Variants in CDK14 observed in about 807,000 individuals in gnomAD.
The protein encoded by CDK14 is cyclin dependent kinase 14.
CDK14 carries 34 observed loss-of-function variants against 60.7 expected under a neutral mutation model. That is an observed-to-expected ratio of 0.56 (90% CI 0.43 to 0.75). The LOEUF is 0.75. Ranked by LOEUF, CDK14 falls within the 30% of genes least tolerant of loss-of-function variation. The pLI is 0.00. For synonymous variants in CDK14, 197 were observed against 203.7 expected, an observed-to-expected ratio of 0.97 and a Z score of 0.28; for missense variants, 482 against 564.1, an observed-to-expected ratio of 0.85 and a Z score of 1.47.
At chr7:90,839,095 G>C (rs1002440243) in intron 5 of CDK14, among the ~76,000 whole-genome samples, 1 of 152,148 alleles carries the variant, frequency 6.6e-6, no homozygotes, top group East Asian at 1.9e-4. Context: ...TTCTCAGACC[G>C]GCTGACACTT....
chr7:90,699,277 G>T (rs1233369837), intron 2 of CDK14, among the ~76,000 whole-genome samples: 2 of 152,214 alleles, frequency 1.3e-5, no homozygotes, highest in African/African-American at 4.8e-5. Flanking sequence ...TCCTGCAGAA[G>T]TACAGGACCC....
chr7:91,175,332 C>T (rs543734565), intron 14 of CDK14, among the ~76,000 whole-genome samples: 255 of 152,034 alleles, frequency 1.7e-3, no homozygotes, highest in African/African-American at 4.9e-3. Flanking sequence ...AAGGAACAAC[C>T]GGTATCAGCT....
chr7:91,158,060 TATTATATTATATACATTA>T lies in CDK14; in HGVS notation c.*28+39860_*28+39877del, dbSNP rs1005767506. Among the ~76,000 whole-genome samples the T allele has an allele frequency of 4.0e-3, 590 of 146,470 alleles. 2 individuals are homozygous for T. Among genetic ancestry groups the T allele is most frequent in the Non-Finnish European group, 7.2e-3 (485 of 67,048 alleles). On this transcript the variant is annotated intron_variant, in intron 14 of 14. Transcript: ENST00000380050. ...TTTGCCAAACATTTTTTATATAATA[TATTATATTATATACATTA>T]ATTATATACATTAAATATATATAAA...
chr7:90,796,450 A>G (rs1229891173), intron 5 of CDK14, among the ~76,000 whole-genome samples: 1 of 152,162 alleles, frequency 6.6e-6, no homozygotes. Context: ...TGACTGAGTG[A>G]AAAAATAGGG....
chr7:90,956,612 T>C (rs1033011044), intron 9 of CDK14, among the ~76,000 whole-genome samples: 2 of 152,096 alleles, frequency 1.3e-5, no homozygotes, highest in Non-Finnish European at 2.9e-5. Context: ...TATTTTTATG[T>C]ATTTATTTAT....
chr7:90,729,354 TTTTTTTTTTTTTTTTTTC>T (rs1351342219), intron 3 of CDK14, among the ~76,000 whole-genome samples: 2 of 123,982 alleles, frequency 1.6e-5, no homozygotes, highest in Admixed American at 8.3e-5. Flanking sequence ...GTTTTTTTTT[TTTTTTTTTTTTTTTTTTC>T]CCCACTCATC....
intron 2 of CDK14, among the ~76,000 whole-genome samples, chr7:90,622,424 A>G (rs2116375863): frequency 6.6e-6 from 1 of 152,354 alleles, no homozygotes; most frequent in African/African-American, 2.4e-5. Context: ...AACTTTTATT[A>G]GTAGAAAAAC....
At chr7:90,895,511 TTCC>T (rs1562817891) in intron 6 of CDK14, among the ~76,000 whole-genome samples, 34 of 1,552 alleles carry the variant, frequency 0.022, 3 homozygotes, top group Non-Finnish European at 0.033. Flanking sequence ...CTCTCCTCCC[TTCC>T]CCTCCCTTCC....
At chr7:90,734,563 C>A (rs1387641184) in intron 3 of CDK14, among the ~76,000 whole-genome samples, 2 of 152,010 alleles carry the variant, frequency 1.3e-5, no homozygotes, top group African/African-American at 2.4e-5. Context: ...TTGAGTTGAT[C>A]TTCAATCTCT....
At chr7:90,676,527 ATTTTTT>A (rs60056655) in intron 2 of CDK14, among the ~76,000 whole-genome samples, 9,530 of 141,624 alleles carry the variant, frequency 0.067, 410 homozygotes, top group East Asian at 0.18. Context: ...TAGATGTTTC[ATTTTTT>A]TTTTTTTTTT....
At chr7:90,841,689 CACAG>C (rs1459522867) in intron 5 of CDK14, among the ~76,000 whole-genome samples, 2 of 151,198 alleles carry the variant, frequency 1.3e-5, no homozygotes, top group African/African-American at 4.9e-5. Context: ...CACACACACA[CACAG>C]GTGTCAGCTT....
chr7:91,083,644 C>G (rs1314063658), intron 12 of CDK14, among the ~76,000 whole-genome samples: 4 of 152,160 alleles, frequency 2.6e-5, no homozygotes, highest in African/African-American at 9.7e-5. Context: ...TCAAAACCCC[C>G]TAAACCCCTT....
At chr7:90,809,425 A>C (rs971006923) in intron 5 of CDK14, among the ~76,000 whole-genome samples, 3 of 152,212 alleles carry the variant, frequency 2.0e-5, no homozygotes, top group Non-Finnish European at 4.4e-5. Context: ...GAAACCAACG[A>C]GAACAAAGAC....
At chr7:91,112,854 G>A (rs903034855) in intron 13 of CDK14, among the ~76,000 whole-genome samples, 173 bp downstream of exon 13, 7 of 107,668 alleles carry the variant, frequency 6.5e-5, no homozygotes, top group Non-Finnish European at 1.1e-4. Flanking sequence ...TGTATGTGTG[G>A]AGAGAGAGAG....
intron 9 of CDK14, among the ~76,000 whole-genome samples, chr7:90,976,526 A>T (rs1457796576): frequency 6.8e-6 from 1 of 147,376 alleles, no homozygotes; most frequent in Non-Finnish European, 1.5e-5. Context: ...TGCCTGGCAA[A>T]TTTTTTTTTT....
At chr7:91,195,549 GTCA>G (rs1327267816) in intron 14 of CDK14, among the ~76,000 whole-genome samples, 3 of 152,158 alleles carry the variant, frequency 2.0e-5, no homozygotes, top group Admixed American at 2.0e-4. Context: ...TAGTTTCTAT[GTCA>G]TCATTTGTCC....
At chr7:91,070,821 T>A (rs1469093896) in intron 11 of CDK14, among the ~76,000 whole-genome samples, 1 of 150,034 alleles carries the variant, frequency 6.7e-6, no homozygotes, top group African/African-American at 2.5e-5. Flanking sequence ...GCCCCAATAA[T>A]TTTTACCAAA....
chr7:91,163,128 G>T lies in CDK14; in HGVS notation c.*29-44037G>T, dbSNP rs144529171. Among the ~76,000 whole-genome samples, 54 of 152,324 alleles carry T rather than the reference G, an allele frequency of 3.5e-4. No homozygotes were observed. The East Asian group carries it at 9.6e-3, about 27-fold the overall frequency. On this transcript the variant is annotated intron_variant, in intron 14 of 14. Transcript: ENST00000380050. ...TGGGAGTTTCTCCCTGACCCACAAG[G>T]TATTAGATTGTATTAAATGTGTTGT...
intron 2 of CDK14, among the ~76,000 whole-genome samples, chr7:90,701,047 T>G (rs142332268): frequency 9.8e-5 from 15 of 152,364 alleles, no homozygotes; most frequent in African/African-American, 3.6e-4. Flanking sequence ...AAATCCCTAG[T>G]GTACTTCTTT....
Sources: gnomAD v4.1 joint callset for allele counts (sites outside exome capture counted in the v4.1 genomes callset) on GRCh38, gnomAD v4.1.1 for gene constraint, MANE v1.5 for transcripts, NCBI Gene and HGNC (gene_info 2026-07-23, HGNC 2026-07-21) for gene names.